The following PDCD6 variants were observed in gnomAD, a reference collection of about 807,000 sequenced individuals.
PDCD6 encodes the protein programmed cell death 6, also known as programmed cell death protein 6.
Under a neutral mutation model 28.3 loss-of-function variants are expected in PDCD6, and 12 were observed. The observed-to-expected ratio is 0.42, with a 90% confidence interval of 0.27 to 0.69. PDCD6 has a LOEUF of 0.69. Among genes scored for constraint, PDCD6 ranks in the 30% least tolerant of loss-of-function variants. The pLI is 0.22. For synonymous variants in PDCD6, 92 were observed against 108.0 expected (o/e 0.85, Z 0.92); for missense variants, 226 against 269.9 (o/e 0.84, Z 1.14).
At position 314,404 on chromosome 5, in the gene PDCD6, G is replaced by A. The variant is rs146908777; in HGVS notation, c.478-13G>A. 160 of 1,599,702 alleles carry A rather than the reference G, an allele frequency of 1.0e-4. No homozygotes were observed. Among genetic ancestry groups the A allele is most frequent in the Non-Finnish European group, 1.4e-4 (158 of 1,167,476 alleles). The stretch of plus-strand genomic sequence containing the variant: ...ATTTACTATCGAGATTTAAATGCCT[G>A]TTTTCTCCCCAGAGGTTGACGGATA... On this transcript the variant is annotated splice_polypyrimidine_tract_variant and intron_variant, in intron 5 of 5. Coordinates refer to ENST00000264933, the MANE Select transcript of PDCD6 (RefSeq NM_013232.4).
At chr5:300,679 G>T (rs1412550255) in intron 2 of PDCD6, among the ~76,000 whole-genome samples, 1 of 152,250 alleles carries the variant, frequency 6.6e-6, no homozygotes, top group African/African-American at 2.4e-5. Context: ...CTCGTTACGG[G>T]CCGTTAGGCC....
chr5:308,417 C>T (rs1740669811), intron 4 of PDCD6: 1 of 152,162 alleles, frequency 6.6e-6, no homozygotes. Context: ...AGTGGGCAGG[C>T]CTGCTTGTGT....
chr5:289,535 T>A (rs886113466), intron 2 of PDCD6: 1 of 743,810 alleles, frequency 1.3e-6, no homozygotes, highest in African/African-American at 1.7e-5. Flanking sequence ...TCGCTGCAAG[T>A]CGCTTGAATG....
chr5:275,986 G>A lies in PDCD6; in HGVS notation c.163+3214G>A, dbSNP rs1409666214. 3 of 1,286,736 alleles carry A rather than the reference G, an allele frequency of 2.3e-6. No individual in the cohort carries two copies. In the Admixed American group the frequency reaches 6.9e-5, roughly 30 times the overall value. 79.7% of individuals were successfully genotyped at this position (1,286,736 alleles called of 1,614,324 possible). On this transcript the variant is annotated intron_variant, in intron 2 of 5. Coordinates refer to ENST00000264933, the MANE Select transcript of PDCD6 (RefSeq NM_013232.4). Reference sequence around the variant, plus strand: ...TCCACCCCTTTGCTTTGGGCTCTAAGCTTCTTCTGCCTTTCATCTCTGTAG... The same window carrying A: ...TCCACCCCTTTGCTTTGGGCTCTAAACTTCTTCTGCCTTTCATCTCTGTAG...
chr5:314,108 G>A (rs1741114683), intron 5 of PDCD6, among the ~76,000 whole-genome samples: 1 of 152,240 alleles, frequency 6.6e-6, no homozygotes, highest in Non-Finnish European at 1.5e-5. Context: ...ACGGTCTTCA[G>A]GGGGAGAAGG....
chr5:286,640 G>A (rs1182506676), intron 2 of PDCD6, among the ~76,000 whole-genome samples: 1 of 151,348 alleles, frequency 6.6e-6, no homozygotes, highest in East Asian at 2.0e-4. Flanking sequence ...TCAGGGCCAT[G>A]CATCTTGAGA....
chr5:307,669 C>T lies in PDCD6; in HGVS notation c.367+909C>T, dbSNP rs1307263957. On this transcript the variant is annotated intron_variant, in intron 4 of 5. Coordinates refer to ENST00000264933, the MANE Select transcript of PDCD6 (RefSeq NM_013232.4). This position sits in a 1 kb window ranked among gnomAD's most constrained non-coding sequence, Gnocchi z 6.1. ...TCTAATCCATGCGGATCTCATCTGG[C>T]CCCTGTTGTGAAGCCGCTTCCGTGA... 6.6e-6 allele frequency among the ~76,000 whole-genome samples: 1 copy of T among 152,148 alleles called. No individual in the cohort carries two copies. Among genetic ancestry groups the T allele is most frequent in the Non-Finnish European group, 1.5e-5 (1 of 68,026 alleles).
At chr5:281,316 G>T (rs1237722914) in intron 2 of PDCD6, among the ~76,000 whole-genome samples, 7 of 152,148 alleles carry the variant, frequency 4.6e-5, no homozygotes, top group Non-Finnish European at 5.9e-5. Flanking sequence ...AGAGGAGCTG[G>T]TGCTATCGCT....
intron 5 of PDCD6, among the ~76,000 whole-genome samples, chr5:313,471 T>C (rs1741056922): frequency 1.3e-5 from 2 of 152,070 alleles, no homozygotes; most frequent in South Asian, 2.1e-4. Flanking sequence ...AGGGTTGTTT[T>C]TTTTTCTTTG....
Position 304,046 on chromosome 5 carries a change from C to T in PDCD6, c.164-131C>T, listed in dbSNP as rs188293928. ...GGAGTCATGGCAGCCGACACGTCAC[C>T]TGGAGTGTCTAGAAAACCACTACCT... On this transcript the variant is annotated intron_variant, in intron 2 of 5. Transcript: ENST00000264933. 27 of 1,322,660 alleles carry T rather than the reference C, an allele frequency of 2.0e-5. 3 individuals are homozygous for T. In the South Asian group the frequency reaches 2.5e-4, roughly 12 times the overall value. 81.9% of individuals were successfully genotyped at this position (1,322,660 alleles called of 1,614,324 possible). A position where few individuals can be genotyped will look rare whatever the true frequency, so the allele number is the denominator to read the frequency against.
chr5:281,776 T>C (rs1243917276), intron 2 of PDCD6, among the ~76,000 whole-genome samples: 1 of 151,028 alleles, frequency 6.6e-6, no homozygotes, highest in Non-Finnish European at 1.5e-5. Context: ...ATGTTTTAGA[T>C]TGAGGGTCGT....
Position 288,415 on chromosome 5 carries a change from T to G in PDCD6, c.163+15643T>G, listed in dbSNP as rs374168094. ...TATTCACATGTTAAAATGTTGAAAC[T>G]ATGACCAAAATGTGAAAACTGCTAG... On this transcript the variant is annotated intron_variant, in intron 2 of 5. Transcript: ENST00000264933. 4.7e-4 allele frequency among the ~76,000 whole-genome samples: 71 copies of G among 151,202 alleles called. No homozygotes were observed. The East Asian group carries it at 0.012, about 26-fold the overall frequency.
Position 271,752 on chromosome 5 carries a change from G to A in PDCD6, c.32G>A (p.Gly11Glu), listed in dbSNP as rs1272474735. MAAYSYRPGP[G>E]AGPGPAAGAA... ...GCCTACTCTTACCGCCCCGGCCCTG[G>A]GGCCGGCCCTGGGCCTGCTGCAGGC... Residue 11 changes from glycine (G) to glutamate (E), a missense_variant, in exon 1 of 6, where the codon GGG (glycine) becomes GAG (glutamate). Coordinates refer to ENST00000264933, the MANE Select transcript of PDCD6 (RefSeq NM_013232.4). The A allele has an allele frequency of 8.5e-7, 1 of 1,179,516 alleles. No homozygotes were observed. The highest frequency in any genetic ancestry group is 2.8e-5 in the Admixed American group (1 of 35,314). 73.1% of individuals were successfully genotyped at this position (1,179,516 alleles called of 1,614,324 possible). A position where few individuals can be genotyped will look rare whatever the true frequency, so the allele number is the denominator to read the frequency against.
At chr5:312,970 T>C (rs1560867041) in intron 5 of PDCD6, among the ~76,000 whole-genome samples, 1 of 152,270 alleles carries the variant, frequency 6.6e-6, no homozygotes, top group Non-Finnish European at 1.5e-5. Context: ...ACGTTGATCT[T>C]GTGTGAGCTT....
intron 2 of PDCD6, among the ~76,000 whole-genome samples, chr5:280,432 G>A (rs1479885015): frequency 6.6e-6 from 1 of 151,556 alleles, no homozygotes; most frequent in Non-Finnish European, 1.5e-5. Flanking sequence ...GGGCTGTGCC[G>A]GGCACTGTGG....
intron 4 of PDCD6, among the ~76,000 whole-genome samples, chr5:308,023 C>T (rs558749654): frequency 1.4e-4 from 21 of 152,172 alleles, no homozygotes; most frequent in East Asian, 5.8e-4. Flanking sequence ...GAACGCTGGC[C>T]GGCTCCTCTT....
chr5:291,146 T>C (rs1739289571), intron 2 of PDCD6, among the ~76,000 whole-genome samples: 1 of 152,134 alleles, frequency 6.6e-6, no homozygotes, highest in African/African-American at 2.4e-5. Flanking sequence ...GTCTTTATTA[T>C]TCCCACACTT....
chr5:277,912 CAA>C (rs529926870), intron 2 of PDCD6, among the ~76,000 whole-genome samples: 15 of 111,014 alleles, frequency 1.4e-4, no homozygotes, highest in Middle Eastern at 5.0e-3. Flanking sequence ...GACTCCATCT[CAA>C]AAAAAAAAAA....
At chr5:274,306 G>A (rs546440852) in intron 2 of PDCD6, among the ~76,000 whole-genome samples, 24 of 152,308 alleles carry the variant, frequency 1.6e-4, no homozygotes, top group African/African-American at 5.8e-4. Flanking sequence ...TTAGATTTTA[G>A]GTTTAGTTTT....
Sources: allele counts gnomAD v4.1 joint callset (sites outside exome capture counted in the v4.1 genomes callset), GRCh38; gene constraint gnomAD v4.1.1; non-coding constraint Gnocchi (gnomAD v3.1); transcripts MANE v1.5; gene names NCBI Gene and HGNC (gene_info 2026-07-23, HGNC 2026-07-21).